SPIRE2: variants seen among roughly 807,000 people sequenced by gnomAD.
SPIRE2 encodes the protein protein spire homolog 2.
A neutral mutation model predicts 80.7 loss-of-function variants in SPIRE2; 76 were observed. The observed-to-expected ratio is 0.94, with a 90% CI of 0.78 to 1.14. SPIRE2 has a LOEUF of 1.14. Ranked by LOEUF, SPIRE2 falls within the 50% of genes most tolerant of loss-of-function variation. The probability of loss-of-function intolerance (pLI) is 0.00; values close to 1 mark genes in which losing one functional copy is unlikely to be tolerated. For missense variants in SPIRE2, 1,196 were observed against 1,015.3 expected, an observed-to-expected ratio of 1.18 and a Z score of -2.42; for synonymous variants, 535 against 432.6, an observed-to-expected ratio of 1.24 and a Z score of -2.94.
At chr16:89,848,227 A>AC (rs1195694939) in intron 2 of SPIRE2, among the ~76,000 whole-genome samples, 4 of 151,372 alleles carry the variant, frequency 2.6e-5, no homozygotes, top group African/African-American at 9.7e-5. Flanking sequence ...GCCCCAGGTG[A>AC]CCCCCCGAGC....
At chr16:89,859,138 G>A in intron 8 of SPIRE2, 27 bp from the exon 9 acceptor site, 1 of 1,520,884 alleles carries the variant, frequency 6.6e-7, no homozygotes, top group Non-Finnish European at 8.9e-7. Context: ...CATTGTCAGG[G>A]CAGGGCCGCG....
chr16:89,835,206 C>G (rs2143779153), intron 1 of SPIRE2, among the ~76,000 whole-genome samples: 1 of 144,244 alleles, frequency 6.9e-6, no homozygotes, highest in Admixed American at 6.7e-5. Context: ...GTGAACCTGC[C>G]TGCGCTCGCG....
intron 1 of SPIRE2, chr16:89,836,067 T>C (rs544264355): frequency 2.7e-6 from 1 of 376,558 alleles, no homozygotes. Flanking sequence ...CCCAGTTGTT[T>C]AGGAGGTTAA....
intron 5 of SPIRE2, among the ~76,000 whole-genome samples, 168 bp downstream of exon 5, chr16:89,854,819 G>A (rs1277601911): frequency 6.6e-6 from 1 of 152,196 alleles, no homozygotes; most frequent in African/African-American, 2.4e-5. Flanking sequence ...GGGAGATGTG[G>A]TCCCAATTCC....
intron 3 of SPIRE2, among the ~76,000 whole-genome samples, 169 bp downstream of exon 3, chr16:89,850,829 T>G (rs1356592443): frequency 6.6e-6 from 1 of 152,064 alleles, no homozygotes; most frequent in Admixed American, 6.5e-5. Context: ...TTCTTGTTGT[T>G]TTTTTGTTGT....
intron 1 of SPIRE2, among the ~76,000 whole-genome samples, chr16:89,840,539 T>C (rs977900420): frequency 1.0e-4 from 15 of 150,684 alleles, no homozygotes; most frequent in South Asian, 4.2e-4. Context: ...TGAGCCACCA[T>C]GTCTGGCCCA....
intron 1 of SPIRE2, among the ~76,000 whole-genome samples, chr16:89,833,181 G>T (rs1388432040): frequency 9.2e-5 from 14 of 152,058 alleles, no homozygotes; most frequent in African/African-American, 3.4e-4. Context: ...TAGAGATGGG[G>T]TTTCACCATG....
chr16:89,863,683 C>T lies in SPIRE2; in HGVS notation c.1710+73C>T, dbSNP rs2041764150. On this transcript the variant is annotated intron_variant, in intron 11 of 14. Coordinates refer to ENST00000378247, the MANE Select transcript of SPIRE2 (RefSeq NM_032451.2). The surrounding 1 kb of genome is among the most constrained non-coding windows in gnomAD (Gnocchi z 4.3). ...GGCGGGTGCCGAGAGGGCCAGTTCC[C>T]AGGACTGTTTGCTCATGATCTGGTT... 1.9e-6 allele frequency: 3 copies of T among 1,612,326 alleles called. No individual in the cohort carries two copies. Among genetic ancestry groups the T allele is most frequent in the Admixed American group, 3.3e-5 (2 of 59,978 alleles).
At chr16:89,843,961 A>G (rs2041532537) in intron 1 of SPIRE2, among the ~76,000 whole-genome samples, 2 of 148,416 alleles carry the variant, frequency 1.3e-5, no homozygotes, top group African/African-American at 5.0e-5. Context: ...GTGGCACCTC[A>G]AAGTGCTGAG....
At position 89,869,589 on chromosome 16, in the gene SPIRE2, T is replaced by A; in HGVS notation, c.1829T>A (p.Phe610Tyr). The change falls in exon 14 of 15, where the codon TTT becomes TAT. Residue 610 changes from phenylalanine to tyrosine, a missense_variant. Transcript: ENST00000378247. ...SIKMKMPSKK[F>Y]GHIPVYTLGF... is the part of the protein sequence containing the mutation. ...CAGATGAAGATGCCTTCTAAGAAAT[T>A]TGGACACATCCCTGTCTACACACTG... 1 of 1,613,908 alleles carries A rather than the reference T, an allele frequency of 6.2e-7. No individual in the cohort carries two copies. Among genetic ancestry groups the A allele is most frequent in the Non-Finnish European group, 8.5e-7 (1 of 1,179,892 alleles).
chr16:89,842,925 T>C (rs1434915668), intron 1 of SPIRE2, among the ~76,000 whole-genome samples: 3 of 152,248 alleles, frequency 2.0e-5, no homozygotes, highest in Non-Finnish European at 4.4e-5. Context: ...CCTTTATCTT[T>C]GGCAATCTTC....
chr16:89,840,472 A>C (rs1042492903), intron 1 of SPIRE2, among the ~76,000 whole-genome samples: 3 of 150,356 alleles, frequency 2.0e-5, no homozygotes, highest in African/African-American at 7.4e-5. Context: ...GATGGTTTCG[A>C]TCTCCTGACC....
chr16:89,847,886 C>A (rs188224941), intron 2 of SPIRE2, among the ~76,000 whole-genome samples: 1 of 152,174 alleles, frequency 6.6e-6, no homozygotes, highest in South Asian at 2.1e-4. Flanking sequence ...GGAGTTAACC[C>A]TTTCAGTAAT....
rs201171675 is a variant in SPIRE2, at chr16:89,836,818, G to GA, written c.244+8038dup. Among the ~76,000 whole-genome samples the GA allele has an allele frequency of 0.027, 3,506 of 127,554 alleles. 325 individuals are homozygous for GA. The East Asian group carries it at 0.34, about 12-fold the overall frequency. The allele number at this position is 127,554 out of a possible 152,430, so 83.7% of individuals were successfully genotyped here. ...AACATGGAGAAACCCCGTCTCTACTGAAAAAAAAAAAAAAGAAAAAAAGAA... is the reference window on the plus strand; with the variant it reads ...AACATGGAGAAACCCCGTCTCTACTGAAAAAAAAAAAAAAAGAAAAAAAGAA... On this transcript the variant is annotated intron_variant, in intron 1 of 14. Coordinates refer to ENST00000378247, the MANE Select transcript of SPIRE2 (RefSeq NM_032451.2).
At chr16:89,859,041 G>A in intron 8 of SPIRE2, 124 bp from the exon 9 acceptor site, 1 of 867,310 alleles carries the variant, frequency 1.2e-6, no homozygotes. Context: ...TGGGAAGTGG[G>A]TGGAGGCTGC....
intron 7 of SPIRE2, among the ~76,000 whole-genome samples, chr16:89,856,784 G>T (rs2033906218): frequency 6.6e-6 from 1 of 151,900 alleles, no homozygotes. Flanking sequence ...ATGAGGCTGG[G>T]CTCAGTAGCT....
At chr16:89,834,622 G>A (rs564872739) in intron 1 of SPIRE2, among the ~76,000 whole-genome samples, 75 of 108,866 alleles carry the variant, frequency 6.9e-4, no homozygotes, top group Middle Eastern at 0.012. Flanking sequence ...CCGCACTCGC[G>A]GTTGGCCGTT....
chr16:89,845,897 A>T (rs2041554486), intron 2 of SPIRE2: 1 of 507,920 alleles, frequency 2.0e-6, no homozygotes, highest in Non-Finnish European at 3.4e-6. Context: ...TGTTCATTTT[A>T]TTTTATTTTA....
chr16:89,833,531 A>G (rs1166011055), intron 1 of SPIRE2, among the ~76,000 whole-genome samples: 1 of 152,232 alleles, frequency 6.6e-6, no homozygotes, highest in Non-Finnish European at 1.5e-5. Context: ...CTCAGCCCCT[A>G]CGCCCTGCTG....
Sources: gnomAD v4.1 joint callset for allele counts (sites outside exome capture counted in the v4.1 genomes callset) on GRCh38, gnomAD v4.1.1 for gene constraint, Gnocchi (gnomAD v3.1) non-coding constraint, MANE v1.5 for transcripts, NCBI Gene and HGNC (gene_info 2026-07-23, HGNC 2026-07-21) for gene names.